COQ8B: variants seen among roughly 807,000 people sequenced by gnomAD.
COQ8B encodes coenzyme Q8B, also known as atypical kinase COQ8B, mitochondrial.
Under a neutral mutation model 62.0 loss-of-function variants are expected in COQ8B, and 44 were observed. The ratio of observed to expected loss-of-function variants is 0.71; its 90% CI spans 0.56 to 0.91. COQ8B has a LOEUF of 0.91. Among genes scored for constraint, COQ8B ranks in the 40% least tolerant of loss-of-function variants. The pLI is 0.00. For missense variants in COQ8B, 649 were observed against 731.6 expected (o/e 0.89, Z 1.30); for synonymous variants, 252 against 289.9 (o/e 0.87, Z 1.33).
chr19:40,712,783 C>T (rs1300917526), intron 4 of COQ8B, among the ~76,000 whole-genome samples: 3 of 152,222 alleles, frequency 2.0e-5, no homozygotes, highest in Non-Finnish European at 2.9e-5. Flanking sequence ...GTGACTTGCA[C>T]GACATCCGGC....
chr19:40,715,771 C>T (rs1168139910), intron 1 of COQ8B: 14 of 251,562 alleles, frequency 5.6e-5, no homozygotes, highest in African/African-American at 3.0e-4. Flanking sequence ...AGAACACACT[C>T]AGCCAAGATT....
intron 7 of COQ8B, chr19:40,704,148 C>CTT (rs1188224323): frequency 8.2e-4 from 134 of 162,992 alleles, no homozygotes; most frequent in South Asian, 2.6e-3. Flanking sequence ...CATAACAATC[C>CTT]TTTTTTTTTT....
At chr19:40,708,408 C>A (rs1464855343) in intron 5 of COQ8B, among the ~76,000 whole-genome samples, 1 of 152,138 alleles carries the variant, frequency 6.6e-6, no homozygotes, top group East Asian at 1.9e-4. Context: ...CTGTTCCAGG[C>A]AGAATCCTAA....
rs753341392 is a variant in COQ8B at position 40,710,102 on chromosome 19, G to A, written c.324C>T (p.Ala108=). The change falls in exon 5 of 15, where the codon GCC becomes GCT. Residue 108 remains alanine (A), a synonymous_variant. Coordinates refer to ENST00000324464, the MANE Select transcript of COQ8B (RefSeq NM_024876.4). ...CTGGCATGGACTTCTTAGCCATCTC[G>A]GCCAGTACTCCTAGCCCCAAGCCCA... ...LAVGLGLGVL[A]EMAKKSMPGG... is the part of the protein sequence containing the mutation. 12 of 1,613,846 alleles carry A rather than the reference G, an allele frequency of 7.4e-6. No individual in the cohort carries two copies. Among genetic ancestry groups the A allele is most frequent in the Admixed American group, 1.7e-5 (1 of 59,980 alleles).
At chr19:40,703,882 CATT>C (rs2082080915) in intron 7 of COQ8B, 27 bp from the exon 8 acceptor site, 16 of 1,588,512 alleles carry the variant, frequency 1.0e-5, no homozygotes, top group African/African-American at 1.3e-5. Context: ...CAGCCATCAT[CATT>C]GTGGCAGAGT....
In COQ8B at chr19:40,696,026, C is replaced by T. The variant is rs765720942; in HGVS notation, c.1172G>A (p.Arg391Gln). ...QVTLLDFGAS[R>Q]EFGTEFTDHY... ...GTCTGTGAACTCTGTCCCAAACTCCCGGCTTGCACCAAAGTCCAGCAGGGT... is the reference window on the plus strand; with the variant it reads ...GTCTGTGAACTCTGTCCCAAACTCCTGGCTTGCACCAAAGTCCAGCAGGGT... Residue 391 changes from arginine to glutamine, a missense_variant, in exon 13 of 15, where the codon CGG becomes CAG. Arg to Gln is a conservative substitution (Grantham distance 43, BLOSUM62 1). Coordinates refer to ENST00000324464, the MANE Select transcript of COQ8B (RefSeq NM_024876.4). 1.3e-5 allele frequency: 21 copies of T among 1,613,990 alleles called. No homozygotes were observed. The highest frequency in any genetic ancestry group is 8.8e-5 in the South Asian group (8 of 91,078).
At chr19:40,707,624 T>A (rs1484706685) in intron 5 of COQ8B, among the ~76,000 whole-genome samples, 1 of 152,134 alleles carries the variant, frequency 6.6e-6, no homozygotes, top group African/African-American at 2.4e-5. Context: ...CAGCTAATTT[T>A]TTGTATTTTT....
At chr19:40,704,984 G>A (rs1372278000) in intron 7 of COQ8B, 112 bp downstream of exon 7, 3 of 1,013,276 alleles carry the variant, frequency 3.0e-6, no homozygotes, top group Non-Finnish European at 4.3e-6. Context: ...TTTTACAGAT[G>A]GGGAAAGTGA....
chr19:40,712,262 C>A (rs1371532515), intron 4 of COQ8B, among the ~76,000 whole-genome samples: 6 of 151,730 alleles, frequency 4.0e-5, no homozygotes. Context: ...CATGGTGAAA[C>A]CCCATCTCTA....
At chr19:40,693,363 G>A (rs1385274756) in intron 13 of COQ8B, among the ~76,000 whole-genome samples, 2 of 152,322 alleles carry the variant, frequency 1.3e-5, no homozygotes, top group African/African-American at 2.4e-5. Context: ...GGACGGGTAT[G>A]AGCGTGACCC....
At chr19:40,696,850 T>C (rs2082018755) in intron 12 of COQ8B, among the ~76,000 whole-genome samples, 1 of 152,166 alleles carries the variant, frequency 6.6e-6, no homozygotes, top group African/African-American at 2.4e-5. Flanking sequence ...TCTAGAGTAA[T>C]GGTGTGCATA....
intron 5 of COQ8B, among the ~76,000 whole-genome samples, chr19:40,707,043 G>A (rs1002117649): frequency 6.6e-6 from 1 of 152,002 alleles, no homozygotes; most frequent in Non-Finnish European, 1.5e-5. Context: ...ACGTCGGGGC[G>A]GGATCACTTG....
chr19:40,711,073 G>A (rs1200407197), intron 4 of COQ8B, among the ~76,000 whole-genome samples: 1 of 150,620 alleles, frequency 6.6e-6, no homozygotes, highest in Non-Finnish European at 1.5e-5. Context: ...AGAGGTTGCG[G>A]TGAGCCGAGA....
chr19:40,714,230 G>T (rs1320023188), intron 3 of COQ8B, 48 bp downstream of exon 3: 1 of 1,606,360 alleles, frequency 6.2e-7, no homozygotes, highest in Admixed American at 1.7e-5. Flanking sequence ...AGCTCAGGGG[G>T]CCAGCAGTAT....
intron 3 of COQ8B, 50 bp from the exon 4 acceptor site, chr19:40,714,183 A>G (rs1186144798): frequency 1.2e-6 from 2 of 1,612,226 alleles, no homozygotes; most frequent in South Asian, 2.2e-5. Flanking sequence ...CATCGTGGCC[A>G]GAGAGTGCAG....
chr19:40,698,572 A>C (rs1056889346), intron 12 of COQ8B, among the ~76,000 whole-genome samples: 12 of 152,134 alleles, frequency 7.9e-5, no homozygotes, highest in African/African-American at 2.9e-4. Flanking sequence ...GAAACCAATA[A>C]ATTGATGTCA....
chr19:40,708,540 G>C (rs1035943627), intron 5 of COQ8B, among the ~76,000 whole-genome samples: 2 of 152,042 alleles, frequency 1.3e-5, no homozygotes, highest in African/African-American at 4.8e-5. Context: ...CTATCCCTGG[G>C]TCACATAGCA....
intron 10 of COQ8B, among the ~76,000 whole-genome samples, chr19:40,701,879 G>A (rs1011877350): frequency 3.3e-5 from 5 of 152,198 alleles, no homozygotes; most frequent in African/African-American, 9.7e-5. Context: ...CCCCACTGAG[G>A]TGCCATTAAT....
intron 13 of COQ8B, among the ~76,000 whole-genome samples, chr19:40,693,873 G>A (rs2604881): frequency 2.4e-4 from 29 of 119,064 alleles, no homozygotes; most frequent in Admixed American, 1.1e-3. Flanking sequence ...GAGTGGAACC[G>A]GGTCACACCA....
Sources: gnomAD v4.1 joint callset for allele counts (sites outside exome capture counted in the v4.1 genomes callset) on GRCh38, gnomAD v4.1.1 for gene constraint, MANE v1.5 for transcripts, NCBI Gene and HGNC (gene_info 2026-07-23, HGNC 2026-07-21) for gene names.